Variants in KIF14 observed in about 807,000 individuals in gnomAD.
KIF14 encodes the protein kinesin-like protein KIF14.
A neutral mutation model predicts 176.2 loss-of-function variants in KIF14; 98 were observed. That is an observed-to-expected ratio of 0.56 (90% confidence interval 0.47 to 0.66). The LOEUF (loss-of-function observed/expected upper bound fraction) is 0.66. Ranked by LOEUF, KIF14 falls within the 30% of genes least tolerant of loss-of-function variation. The probability of loss-of-function intolerance (pLI) is 0.00; values close to 1 mark genes in which losing one functional copy is unlikely to be tolerated. For missense variants in KIF14, 1,751 were observed against 1,920.4 expected, an observed-to-expected ratio of 0.91 and a Z score of 1.65; for synonymous variants, 566 against 632.2, an observed-to-expected ratio of 0.90 and a Z score of 1.57.
Position 200,572,585 on chromosome 1 carries a change from C to T in KIF14, c.3567-2580G>A, listed in dbSNP as rs578009912. 3.3e-5 allele frequency among the ~76,000 whole-genome samples: 5 copies of T among 152,236 alleles called. No individual in the cohort carries two copies. In the East Asian group the frequency reaches 7.7e-4, roughly 24 times the overall value. On this transcript the variant is annotated intron_variant, in intron 22 of 29. Coordinates refer to ENST00000367350, the MANE Select transcript of KIF14 (RefSeq NM_014875.3). ...GTCTCAATCTCCTGACCTTGTGATC[C>T]GCCCACCTTGGCCTCCCAAAGTGCT...
chr1:200,584,240 A>G (rs909020607), intron 19 of KIF14, among the ~76,000 whole-genome samples: 4 of 147,942 alleles, frequency 2.7e-5, no homozygotes, highest in Non-Finnish European at 6.0e-5. Flanking sequence ...AAGGTCTCAC[A>G]GGACTTAATG....
chr1:200,577,411 G>A (rs909096137), intron 21 of KIF14, among the ~76,000 whole-genome samples: 5 of 152,052 alleles, frequency 3.3e-5, no homozygotes, highest in South Asian at 2.1e-4. Context: ...TCCAGCCTTG[G>A]CCTCCCAAAG....
chr1:200,600,689 G>A (rs1558081159), intron 11 of KIF14, among the ~76,000 whole-genome samples, 186 bp from the exon 12 acceptor site: 1 of 152,088 alleles, frequency 6.6e-6, no homozygotes, highest in African/African-American at 2.4e-5. Context: ...GTCTTAACCT[G>A]AAATATGCTC....
chr1:200,555,635 C>A (rs927462204), intron 27 of KIF14, among the ~76,000 whole-genome samples, 181 bp from the exon 28 acceptor site: 12 of 152,160 alleles, frequency 7.9e-5, no homozygotes, highest in African/African-American at 2.6e-4. Flanking sequence ...GAAATTTCTT[C>A]AAAAATAAAT....
Position 200,554,625 on chromosome 1 carries a change from TATTTA to T in KIF14, c.4429-24_4429-20del, listed in dbSNP as rs753458490. The T allele has an allele frequency of 1.3e-5, 17 of 1,273,012 alleles. No individual in the cohort carries two copies. The highest frequency in any genetic ancestry group is 1.7e-5 in the Non-Finnish European group (15 of 901,702). 78.9% of individuals were successfully genotyped at this position (1,273,012 alleles called of 1,614,324 possible). On this transcript the variant is annotated intron_variant, in intron 28 of 29. Coordinates refer to ENST00000367350, the MANE Select transcript of KIF14 (RefSeq NM_014875.3). ...AACTTTTCTGTATAAATAAAGTTAA[TATTTA>T]AAATAATACATTAACAGGCTCAATG...
chr1:200,592,898 T>C (rs1659126325), intron 15 of KIF14, among the ~76,000 whole-genome samples: 1 of 152,110 alleles, frequency 6.6e-6, no homozygotes, highest in South Asian at 2.1e-4. Flanking sequence ...TATAACACAA[T>C]GGTAAATAAT....
At chr1:200,586,841 T>C (rs1261684924) in intron 18 of KIF14, among the ~76,000 whole-genome samples, 1 of 146,376 alleles carries the variant, frequency 6.8e-6, no homozygotes, top group African/African-American at 2.5e-5. Context: ...TACCCAGCAA[T>C]AAAAAAGAAA....
chr1:200,587,599 G>T (rs1658822231), intron 18 of KIF14, among the ~76,000 whole-genome samples: 1 of 152,114 alleles, frequency 6.6e-6, no homozygotes, highest in Non-Finnish European at 1.5e-5. Flanking sequence ...AGAATCATGA[G>T]GTCAAGAGTT....
chr1:200,600,459 T>C lies in KIF14; in HGVS notation c.2197A>G (p.Ser733Gly). The part of the protein sequence containing the change: ...IAKLKAAQRN[S>G]RNIDPERYRL... Reference sequence around the variant, plus strand: ...TATCGTTCAGGGTCAATATTCCGACTGTTTCTCTGAGCAGCTTTTAGCTTT... The same window carrying C: ...TATCGTTCAGGGTCAATATTCCGACCGTTTCTCTGAGCAGCTTTTAGCTTT... Residue 733 changes from serine (S) to glycine (G), a missense_variant, in exon 12 of 30, where the codon AGT becomes GGT. By Grantham distance (56) the Ser-to-Gly change is moderately conservative. Transcript: ENST00000367350. The C allele has an allele frequency of 6.2e-7, 1 of 1,613,848 alleles. No homozygotes were observed. The highest frequency in any genetic ancestry group is 8.5e-7 in the Non-Finnish European group (1 of 1,179,748).
At position 200,580,337 on chromosome 1, in the gene KIF14, G is replaced by A. The variant is rs571742684; in HGVS notation, c.3382C>T (p.Arg1128Cys). 3.5e-5 allele frequency: 54 copies of A among 1,523,484 alleles called. No individual in the cohort carries two copies. The highest frequency in any genetic ancestry group is 7.5e-5 in the Admixed American group (4 of 53,168). The allele number at this position is 1,523,484 out of a possible 1,614,324, so 94.4% of individuals were successfully genotyped here. A position where few individuals can be genotyped will look rare whatever the true frequency, so the allele number is the denominator to read the frequency against. The change falls in exon 21 of 30, where the codon CGT (arginine) becomes TGT (cysteine). Residue 1128 changes from arginine to cysteine, a missense_variant. By Grantham distance (180) the Arg-to-Cys change is radical. Transcript: ENST00000367350. ...GTTGAGATTCCTAGTTTCAGGTTAC[G>A]AACCCGAATAGAAGTGTCAGAACTA... ...KSSSDTSIRVRNLKLGISTFW... is the reference protein window; with the variant it reads ...KSSSDTSIRVCNLKLGISTFW...
intron 13 of KIF14, among the ~76,000 whole-genome samples, chr1:200,599,744 C>T (rs1659534216): frequency 6.6e-6 from 1 of 152,190 alleles, no homozygotes; most frequent in Non-Finnish European, 1.5e-5. Context: ...TGTGTTTAAT[C>T]ACCTTGGCTT....
In KIF14 at chr1:200,606,914, C is replaced by G. The variant is rs1321456652; in HGVS notation, c.1555-116G>C. On this transcript the variant is annotated intron_variant, in intron 5 of 29. Coordinates refer to ENST00000367350, the MANE Select transcript of KIF14 (RefSeq NM_014875.3). ...GTAAGAGATTTGTCTTTATTTTATC[C>G]AGGAAAAAAAAAAACCACAAAAACT... The G allele has an allele frequency of 1.7e-5, 15 of 860,590 alleles. No homozygotes were observed. In the Admixed American group the frequency reaches 3.5e-4, roughly 20 times the overall value. 53.3% of individuals were successfully genotyped at this position (860,590 alleles called of 1,614,324 possible). A position where few individuals can be genotyped will look rare whatever the true frequency, so the allele number is the denominator to read the frequency against.
At chr1:200,614,721 G>A (rs1041365836) in intron 3 of KIF14, among the ~76,000 whole-genome samples, 2 of 15,732 alleles carry the variant, frequency 1.3e-4, no homozygotes, top group Non-Finnish European at 1.9e-4. Flanking sequence ...TGGGCAACCC[G>A]CTTGGGACCC....
chr1:200,601,664 C>T (rs1659633767), intron 11 of KIF14, among the ~76,000 whole-genome samples: 1 of 152,176 alleles, frequency 6.6e-6, no homozygotes, highest in Non-Finnish European at 1.5e-5. Context: ...CTGTTTCCCC[C>T]TTACTCACAC....
rs377072292 is a variant in KIF14, at chr1:200,607,892, G to C, written c.1554+938C>G. The stretch of plus-strand genomic sequence containing the variant: ...ATTTTTGTATTTTTAGTAGAGACAG[G>C]GTTTCACCATGTTGGCCAGGATGGT... On this transcript the variant is annotated intron_variant, in intron 5 of 29. Coordinates refer to ENST00000367350, the MANE Select transcript of KIF14 (RefSeq NM_014875.3). Among the ~76,000 whole-genome samples, 407 of 151,960 alleles carry C rather than the reference G, an allele frequency of 2.7e-3. 3 individuals carry two copies. The highest frequency in any genetic ancestry group is 9.5e-3 in the African/African-American group (392 of 41,448).
chr1:200,605,203 A>G, intron 8 of KIF14, 80 bp downstream of exon 8: 2 of 1,351,624 alleles, frequency 1.5e-6, no homozygotes, highest in Non-Finnish European at 2.1e-6. Flanking sequence ...TGAGATCGGG[A>G]ACTTTTTAAA....
intron 12 of KIF14, 73 bp downstream of exon 12, chr1:200,600,283 C>T (rs1375654370): frequency 6.8e-7 from 1 of 1,467,346 alleles, no homozygotes; most frequent in South Asian, 1.1e-5. Flanking sequence ...ACTCAGTATC[C>T]TCTTGAGGTC....
At chr1:200,563,046 G>A (rs911616777) in intron 25 of KIF14, among the ~76,000 whole-genome samples, 2 of 152,168 alleles carry the variant, frequency 1.3e-5, no homozygotes, top group African/African-American at 2.4e-5. Flanking sequence ...AAATAAGACA[G>A]GTGCCTAACC....
chr1:200,568,239 T>G (rs1176703336), intron 23 of KIF14, among the ~76,000 whole-genome samples: 1 of 152,184 alleles, frequency 6.6e-6, no homozygotes. Flanking sequence ...CAAAGACCTT[T>G]TCTATCTCTG....
Sources: allele counts gnomAD v4.1 joint callset (sites outside exome capture counted in the v4.1 genomes callset), GRCh38; gene constraint gnomAD v4.1.1; transcripts MANE v1.5; gene names NCBI Gene and HGNC (gene_info 2026-07-23, HGNC 2026-07-21).